The following FAM13C variants were observed in gnomAD, a reference collection of about 807,000 sequenced individuals.
FAM13C encodes the protein protein FAM13C.
FAM13C carries 37 observed loss-of-function variants against 73.2 expected under a neutral mutation model. That is an observed-to-expected ratio of 0.51 (90% confidence interval 0.39 to 0.67). The LOEUF (loss-of-function observed/expected upper bound fraction) is 0.67, where lower values mean the gene tolerates loss of function less well. Ranked by LOEUF, FAM13C falls within the 30% of genes least tolerant of loss-of-function variation. FAM13C has a pLI of 0.00. For synonymous variants in FAM13C, 246 were observed against 260.9 expected (o/e 0.94, Z 0.55); for missense variants, 589 against 715.6 (o/e 0.82, Z 2.02).
chr10:59,315,595 A>G (rs1272267029), intron 4 of FAM13C, among the ~76,000 whole-genome samples: 1 of 152,228 alleles, frequency 6.6e-6, no homozygotes, highest in Non-Finnish European at 1.5e-5. Flanking sequence ...AGTCCCTGAC[A>G]TGAATGAGGC....
rs1446541533 is a variant in FAM13C at position 59,361,049 on chromosome 10, C to T, written c.62+1350G>A. The T allele has an allele frequency of 6.2e-6, 8 of 1,289,094 alleles. No individual in the cohort carries two copies. In the African/African-American group the frequency reaches 1.1e-4, roughly 17 times the overall value. 79.9% of individuals were successfully genotyped at this position (1,289,094 alleles called of 1,614,324 possible). On this transcript the variant is annotated intron_variant, in intron 1 of 13. Coordinates refer to ENST00000618804, the MANE Select transcript of FAM13C (RefSeq NM_198215.4). ...ACCTGTGCACCTGGAGCAGGAAGTC[C>T]AGGCCTCATCTTCGGCCTGCAGATG... is the stretch of plus-strand genomic sequence containing the variant.
At chr10:59,293,324 C>T (rs1846509523) in intron 5 of FAM13C, among the ~76,000 whole-genome samples, 1 of 152,222 alleles carries the variant, frequency 6.6e-6, no homozygotes, top group South Asian at 2.1e-4. Flanking sequence ...GATCCACCCG[C>T]CTCGGCCTCC....
intron 6 of FAM13C, among the ~76,000 whole-genome samples, chr10:59,280,731 C>A (rs1047269627): frequency 6.6e-6 from 1 of 152,146 alleles, no homozygotes; most frequent in Non-Finnish European, 1.5e-5. Context: ...CCATGAAATG[C>A]GTTCTTGCTG....
At chr10:59,288,581 C>T (rs1845862434) in intron 5 of FAM13C, among the ~76,000 whole-genome samples, 1 of 152,154 alleles carries the variant, frequency 6.6e-6, no homozygotes, top group African/African-American at 2.4e-5. Context: ...CTCTGAGTGT[C>T]AAAGGAGATC....
At chr10:59,267,164 G>A (rs1191031506) in intron 8 of FAM13C, among the ~76,000 whole-genome samples, 2 of 152,180 alleles carry the variant, frequency 1.3e-5, no homozygotes, top group Admixed American at 6.5e-5. Context: ...TGCTGGGAAT[G>A]GAGCCCCTGG....
intron 3 of FAM13C, among the ~76,000 whole-genome samples, chr10:59,324,612 G>T (rs1589616708): frequency 6.6e-6 from 1 of 151,864 alleles, no homozygotes; most frequent in East Asian, 1.9e-4. Context: ...ATTTTTGGGA[G>T]CCCATATATA....
intron 3 of FAM13C, among the ~76,000 whole-genome samples, chr10:59,348,082 A>T (rs1253562944): frequency 6.6e-6 from 1 of 152,218 alleles, no homozygotes; most frequent in Admixed American, 6.5e-5. Context: ...TCCTACATCC[A>T]AACTTTGTGA....
intron 5 of FAM13C, among the ~76,000 whole-genome samples, chr10:59,291,588 C>A (rs973163250): frequency 6.6e-6 from 1 of 152,108 alleles, no homozygotes; most frequent in African/African-American, 2.4e-5. Context: ...ATCAGCAATT[C>A]TTTTTAAACA....
At chr10:59,283,685 C>T in intron 5 of FAM13C, 4 of 601,228 alleles carry the variant, frequency 6.7e-6, no homozygotes, top group Non-Finnish European at 6.0e-6. Flanking sequence ...ATTCCACATG[C>T]AGGCTGAGTT....
intron 3 of FAM13C, among the ~76,000 whole-genome samples, chr10:59,334,481 C>T (rs1852453551): frequency 6.6e-6 from 1 of 152,076 alleles, no homozygotes; most frequent in Non-Finnish European, 1.5e-5. Flanking sequence ...CAGCACTATT[C>T]ATAATAGCAA....
intron 3 of FAM13C, among the ~76,000 whole-genome samples, chr10:59,350,353 T>A (rs1431019211): frequency 6.6e-6 from 1 of 152,142 alleles, no homozygotes; most frequent in Non-Finnish European, 1.5e-5. Context: ...GACTACAGGA[T>A]GAAAAGAAAG....
intron 6 of FAM13C, among the ~76,000 whole-genome samples, chr10:59,270,589 C>G (rs984750362): frequency 2.0e-5 from 3 of 151,856 alleles, no homozygotes; most frequent in Non-Finnish European, 4.4e-5. Context: ...AGAGGAGTCC[C>G]CAGAAAGAAA....
At chr10:59,336,830 A>G (rs1185143303) in intron 3 of FAM13C, among the ~76,000 whole-genome samples, 1 of 152,208 alleles carries the variant, frequency 6.6e-6, no homozygotes, top group African/African-American at 2.4e-5. Context: ...AAAGCACCAG[A>G]ATAAGAAAAC....
chr10:59,303,490 T>C (rs1847842792), intron 4 of FAM13C, among the ~76,000 whole-genome samples: 1 of 152,260 alleles, frequency 6.6e-6, no homozygotes, highest in Non-Finnish European at 1.5e-5. Flanking sequence ...ATGAATGTGA[T>C]CTGATACAGT....
chr10:59,355,485 TGTA>T (rs545264992), intron 2 of FAM13C, among the ~76,000 whole-genome samples: 1 of 152,106 alleles, frequency 6.6e-6, no homozygotes, highest in Non-Finnish European at 1.5e-5. Flanking sequence ...ACAAAGTAAA[TGTA>T]GAAGAAATGA....
intron 6 of FAM13C, among the ~76,000 whole-genome samples, chr10:59,278,856 A>T (rs1303016948): frequency 6.8e-6 from 1 of 146,326 alleles, no homozygotes; most frequent in Non-Finnish European, 1.5e-5. Flanking sequence ...ACACACACAC[A>T]CACCATAATG....
chr10:59,270,704 T>C (rs176171), intron 6 of FAM13C, among the ~76,000 whole-genome samples: 150,633 of 152,318 alleles, frequency 0.99, 74,502 homozygotes, highest in Middle Eastern at 1. Context: ...CAAAACATTC[T>C]GTTTTACATA....
chr10:59,261,931 A>G (rs1842544018), intron 10 of FAM13C, among the ~76,000 whole-genome samples: 1 of 152,178 alleles, frequency 6.6e-6, no homozygotes, highest in Non-Finnish European at 1.5e-5. Flanking sequence ...TTCAAAACTA[A>G]GATATCCAAA....
Position 59,343,910 on chromosome 10 carries a change from C to A in FAM13C, c.324+8360G>T, listed in dbSNP as rs145211374. On this transcript the variant is annotated intron_variant, in intron 3 of 13. Coordinates refer to ENST00000618804, the MANE Select transcript of FAM13C (RefSeq NM_198215.4). ...AATTAAGGAGGTTTTCGTGTTTTTG[C>A]CAGCCAAATGAGTCTATAAAATACT... Among the ~76,000 whole-genome samples the A allele has an allele frequency of 6.2e-3, 950 of 152,042 alleles. 12 individuals are homozygous for A. Among genetic ancestry groups the A allele is most frequent in the African/African-American group, 0.022 (910 of 41,472 alleles).
Sources: allele counts gnomAD v4.1 joint callset (sites outside exome capture counted in the v4.1 genomes callset), GRCh38; gene constraint gnomAD v4.1.1; transcripts MANE v1.5; gene names NCBI Gene and HGNC (gene_info 2026-07-23, HGNC 2026-07-21).